The following COL4A1 variants were observed in gnomAD, a reference collection of about 807,000 sequenced individuals.
COL4A1 encodes collagen alpha-1(IV) chain.
A neutral mutation model predicts 216.6 loss-of-function variants in COL4A1; 40 were observed. That is an observed-to-expected ratio of 0.18 (90% CI 0.14 to 0.24). The LOEUF (loss-of-function observed/expected upper bound fraction) is 0.24, where lower values mean the gene tolerates loss of function less well. Ranked by LOEUF, COL4A1 falls within the 10% of genes least tolerant of loss-of-function variation. The probability of loss-of-function intolerance (pLI) is 1.00; values close to 1 mark genes in which losing one functional copy is unlikely to be tolerated. For missense variants in COL4A1, 1,628 were observed against 2,196.8 expected (o/e 0.74, Z 5.18); for synonymous variants, 839 against 810.7 (o/e 1.03, Z -0.59).
At chr13:110,216,701 C>T (rs1186654733) in intron 2 of COL4A1, among the ~76,000 whole-genome samples, 1 of 152,190 alleles carries the variant, frequency 6.6e-6, no homozygotes, top group African/African-American at 2.4e-5. Flanking sequence ...ATGAGGTCAG[C>T]CTCCACCATA....
chr13:110,228,856 T>C (rs150795216), intron 2 of COL4A1, among the ~76,000 whole-genome samples: 2,042 of 152,200 alleles, frequency 0.013, 39 homozygotes, highest in African/African-American at 0.037. Context: ...ATTTTAGGAA[T>C]AAAATATGGA....
chr13:110,240,198 T>G (rs1881497526), intron 2 of COL4A1, among the ~76,000 whole-genome samples: 1 of 151,296 alleles, frequency 6.6e-6, no homozygotes, highest in Middle Eastern at 3.4e-3. Context: ...TTAAATGTTC[T>G]TTATGGAATT....
At chr13:110,182,321 C>G (rs528299440) in intron 28 of COL4A1, among the ~76,000 whole-genome samples, 6 of 152,270 alleles carry the variant, frequency 3.9e-5, no homozygotes, top group African/African-American at 1.4e-4. Context: ...GGGTAAGAAG[C>G]CTGGGAGCCT....
At chr13:110,200,948 T>C (rs866321361) in intron 19 of COL4A1, 59 bp from the exon 20 acceptor site, 8 of 1,554,734 alleles carry the variant, frequency 5.1e-6, no homozygotes, top group Middle Eastern at 3.4e-4. Context: ...TGTATACACT[T>C]CTTATTTCTC....
At chr13:110,251,889 C>T (rs1402861477) in intron 1 of COL4A1, among the ~76,000 whole-genome samples, 2 of 152,222 alleles carry the variant, frequency 1.3e-5, no homozygotes, top group Non-Finnish European at 2.9e-5. Context: ...CTTAATTCTC[C>T]TTAGTCCCAG....
chr13:110,181,211 C>T (rs903555441), intron 29 of COL4A1, 81 bp downstream of exon 29: 33 of 1,361,570 alleles, frequency 2.4e-5, no homozygotes, highest in African/African-American at 2.9e-5. Flanking sequence ...TGTCCTGGGA[C>T]GTTCACAACC....
intron 1 of COL4A1, among the ~76,000 whole-genome samples, chr13:110,280,818 T>G (rs755274055): frequency 1.3e-5 from 2 of 152,220 alleles, no homozygotes; most frequent in Non-Finnish European, 2.9e-5. Flanking sequence ...CCTAGAGCCT[T>G]TCTTATATTC....
rs1181110645 is a variant in COL4A1 at position 110,201,522 on chromosome 13, C to A, written c.1000G>T (p.Val334Phe). The change falls in exon 19 of 52, where the codon GTT becomes TTT. Residue 334 changes from valine to phenylalanine, a missense_variant and splice_region_variant. By Grantham distance (50) the Val-to-Phe change is conservative. Coordinates refer to ENST00000375820, the MANE Select transcript of COL4A1 (RefSeq NM_001845.6). ...TCTCCCAAAGGTCCTGTGCCTATAA[C>A]CTGAATCGAGAAGGAAAAGGTGATC... ...EAGPPGPPGI[V>F]IGTGPLGEKG... The A allele has an allele frequency of 6.2e-7, 1 of 1,614,028 alleles. No individual in the cohort carries two copies. The highest frequency in any genetic ancestry group is 1.1e-5 in the South Asian group (1 of 91,078).
chr13:110,152,524 G>T lies in COL4A1; in HGVS notation c.4756-18C>A. On this transcript the variant is annotated intron_variant, in intron 50 of 51. Transcript: ENST00000375820. The stretch of plus-strand genomic sequence containing the variant: ...CTGGTGTGCTGCAGAACAGATGCGA[G>T]CCGTGAGTCAGAGGTTCCCTCCCCA... The T allele has an allele frequency of 6.2e-7, 1 of 1,603,150 alleles. No individual in the cohort carries two copies.
At chr13:110,205,120 T>A (rs1277389102) in intron 17 of COL4A1, among the ~76,000 whole-genome samples, 2 of 152,186 alleles carry the variant, frequency 1.3e-5, no homozygotes, top group Non-Finnish European at 2.9e-5. Context: ...AAAAAAATAA[T>A]CTACTACCAA....
At chr13:110,166,965 TC>T (rs1877373837) in intron 44 of COL4A1, among the ~76,000 whole-genome samples, 192 bp downstream of exon 44, 1 of 152,214 alleles carries the variant, frequency 6.6e-6, no homozygotes, top group Non-Finnish European at 1.5e-5. Context: ...AATCAGAATG[TC>T]TTTACACTGG....
chr13:110,229,064 C>T (rs888597837), intron 2 of COL4A1, among the ~76,000 whole-genome samples: 26 of 152,048 alleles, frequency 1.7e-4, no homozygotes, highest in Middle Eastern at 3.4e-3. Flanking sequence ...GATGAAGGCA[C>T]ATTGGCTCAA....
chr13:110,168,802 ACTCT>A (rs1877464031), intron 43 of COL4A1, among the ~76,000 whole-genome samples: 1 of 152,112 alleles, frequency 6.6e-6, no homozygotes, highest in Non-Finnish European at 1.5e-5. Context: ...CCCCTGATAT[ACTCT>A]CTCTTTCTCC....
chr13:110,223,188 A>G (rs1880586394), intron 2 of COL4A1, among the ~76,000 whole-genome samples: 1 of 152,222 alleles, frequency 6.6e-6, no homozygotes, highest in Non-Finnish European at 1.5e-5. Flanking sequence ...TGAAAAAATT[A>G]CATTCTACAA....
chr13:110,298,156 T>C (rs2139319926), intron 1 of COL4A1, among the ~76,000 whole-genome samples: 1 of 152,316 alleles, frequency 6.6e-6, no homozygotes, highest in South Asian at 2.1e-4. Flanking sequence ...AAAAAAGTTT[T>C]AAAAGCCTAA....
chr13:110,247,790 CGTGTGTGTGTGTGT>C (rs56086913), intron 1 of COL4A1, among the ~76,000 whole-genome samples: 12 of 57,768 alleles, frequency 2.1e-4, no homozygotes, highest in Admixed American at 7.2e-4. Context: ...CTATGCTACT[CGTGTGTGTGTGTGT>C]GTGTGTGTGT....
chr13:110,222,112 C>T lies in COL4A1; in HGVS notation c.145-8097G>A, dbSNP rs1003113460. Among the ~76,000 whole-genome samples the T allele has an allele frequency of 1.1e-4, 16 of 151,764 alleles. 1 individual carries two copies. The highest frequency in any genetic ancestry group is 1.3e-4 in the Admixed American group (2 of 15,260). On this transcript the variant is annotated intron_variant, in intron 2 of 51. Transcript: ENST00000375820. ...CCCTTCATCCACCTCCAGGCACCTG[C>T]GACCCACACAGCAGCACCCCAGGGC... is the stretch of plus-strand genomic sequence containing the variant.
In COL4A1 at chr13:110,198,610, G is replaced by A. The variant is rs1200679947; in HGVS notation, c.1142C>T (p.Ala381Val). ...GPPGLPVPGQ[A>V]GAPGFPGERG... is the part of the protein sequence containing the mutation. ...TTCACCAGGGAAGCCAGGGGCACCA[G>A]CCTGCCCAGGTACAGGGAGGCCTGC... Residue 381 changes from alanine (A) to valine (V), a missense_variant, in exon 21 of 52, where the codon GCT becomes GTT. Around this residue, in one of 8 missense-constraint regions of COL4A1, gnomAD observed 701 missense variants for 892.5 expected, o/e 0.79. Coordinates refer to ENST00000375820, the MANE Select transcript of COL4A1 (RefSeq NM_001845.6). The A allele has an allele frequency of 1.9e-6, 3 of 1,613,972 alleles. No individual in the cohort carries two copies. The highest frequency in any genetic ancestry group is 3.3e-5 in the Admixed American group (2 of 60,006).
intron 2 of COL4A1, among the ~76,000 whole-genome samples, chr13:110,238,066 T>A (rs373285217): frequency 5.3e-5 from 8 of 152,352 alleles, no homozygotes; most frequent in African/African-American, 1.9e-4. Flanking sequence ...GTCTTGGTTG[T>A]TCTATCTGAT....
Sources: allele counts gnomAD v4.1 joint callset (sites outside exome capture counted in the v4.1 genomes callset), GRCh38; gene constraint gnomAD v4.1.1; regional missense constraint gnomAD v4.1.1; transcripts MANE v1.5; gene names NCBI Gene and HGNC (gene_info 2026-07-23, HGNC 2026-07-21).